The following PLBD2 variants were observed in gnomAD, a reference collection of about 807,000 sequenced individuals.
PLBD2 encodes phospholipase B domain containing 2.
PLBD2 carries 51 observed loss-of-function variants against 68.3 expected under a neutral mutation model. The observed-to-expected ratio is 0.75, with a 90% CI of 0.60 to 0.94. PLBD2 has a LOEUF of 0.94. Among genes scored for constraint, PLBD2 ranks in the 40% least tolerant of loss-of-function variants. PLBD2 has a pLI of 0.00. For missense variants in PLBD2, 729 were observed against 792.2 expected (o/e 0.92, Z 0.96); for synonymous variants, 314 against 339.3 (o/e 0.93, Z 0.82).
chr12:113,372,497 G>A lies in PLBD2; in HGVS notation c.385-152G>A. ...TCCCTATCCGGGGCAGAGCTGGGCA[G>A]GGAGAGGAGCCTCCAGGGAGAGGAC... On this transcript the variant is annotated intron_variant, in intron 2 of 11. Transcript: ENST00000280800. The surrounding 1 kb of genome is among the most constrained non-coding windows in gnomAD (Gnocchi z 4.2). The A allele has an allele frequency of 1.2e-6, 1 of 838,312 alleles. No individual in the cohort carries two copies. Among genetic ancestry groups the A allele is most frequent in the Non-Finnish European group, 1.9e-6 (1 of 539,210 alleles). The allele number at this position is 838,312 out of a possible 1,614,324, so 51.9% of individuals were successfully genotyped here. A position where few individuals can be genotyped will look rare whatever the true frequency, so the allele number is the denominator to read the frequency against.
chr12:113,380,932 G>C, intron 6 of PLBD2, 90 bp downstream of exon 6: 2 of 1,268,628 alleles, frequency 1.6e-6, no homozygotes. Context: ...CGGCAAGTGG[G>C]GACCAGGCTG....
chr12:113,364,169 AGG>A (rs1430756931), intron 1 of PLBD2, among the ~76,000 whole-genome samples: 1 of 152,234 alleles, frequency 6.6e-6, no homozygotes, highest in Non-Finnish European at 1.5e-5. Flanking sequence ...GCATCCGGCC[AGG>A]GAATGGGTTC....
At chr12:113,365,829 C>T (rs1275439897) in intron 1 of PLBD2, among the ~76,000 whole-genome samples, 3 of 152,270 alleles carry the variant, frequency 2.0e-5, no homozygotes, top group Non-Finnish European at 4.4e-5. Context: ...AACTTCAAAA[C>T]CCAGAACAGC....
rs200816661 is a variant in PLBD2, at chr12:113,385,309, C to T, written c.1286+26C>T. The T allele has an allele frequency of 8.1e-4, 1,307 of 1,606,414 alleles. 2 individuals are homozygous for T. Among genetic ancestry groups the T allele is most frequent in the Middle Eastern group, 5.1e-3 (31 of 6,048 alleles). On this transcript the variant is annotated intron_variant, in intron 9 of 11. Transcript: ENST00000280800. ...GTGCGTGCCTTCTCACTCCGCTCCC[C>T]GTCACCCTCCAGGGCATCCACCTCA...
At chr12:113,360,129 A>G (rs772963199) in intron 1 of PLBD2, among the ~76,000 whole-genome samples, 3 of 152,204 alleles carry the variant, frequency 2.0e-5, no homozygotes, top group Non-Finnish European at 4.4e-5. Context: ...CTTGGGGGGT[A>G]CATCAAGTAG....
intron 1 of PLBD2, among the ~76,000 whole-genome samples, chr12:113,368,526 G>A (rs1957360969): frequency 6.6e-6 from 1 of 152,186 alleles, no homozygotes; most frequent in Non-Finnish European, 1.5e-5. Flanking sequence ...TAACTAGCAT[G>A]CTGTCACTTC....
rs1957585555 is a variant in PLBD2 at position 113,389,275 on chromosome 12, T to C, written c.*649T>C. On this transcript the variant is annotated 3_prime_UTR_variant, in exon 12 of 12. Coordinates refer to ENST00000280800, the MANE Select transcript of PLBD2 (RefSeq NM_173542.4). ...CAGGCAGAGGGTCAGCCCCCATGCT[T>C]CTGCCTCAGGCCCCACCCCACCCCA... 2.0e-5 allele frequency: 3 copies of C among 152,542 alleles called. No individual in the cohort carries two copies. The highest frequency in any genetic ancestry group is 6.5e-5 in the Admixed American group (1 of 15,292). 9.4% of individuals were successfully genotyped at this position (152,542 alleles called of 1,614,324 possible).
chr12:113,387,972 G>A (rs540299139), intron 11 of PLBD2, 66 bp downstream of exon 11: 2 of 1,571,394 alleles, frequency 1.3e-6, no homozygotes, highest in South Asian at 2.2e-5. Flanking sequence ...CTTTGGGGAA[G>A]GGACAGGTTG....
intron 1 of PLBD2, among the ~76,000 whole-genome samples, chr12:113,360,466 G>T (rs1957281903): frequency 6.6e-6 from 1 of 152,216 alleles, no homozygotes; most frequent in Non-Finnish European, 1.5e-5. Context: ...CTTGACTATG[G>T]TAAACATGGA....
Position 113,358,750 on chromosome 12 carries a change from G to C in PLBD2, c.150G>C (p.Ala50=). The stretch of plus-strand genomic sequence containing the variant: ...TCCCAGCGCCGGGGGGCCGCTGGGC[G>C]CGCGATGGGCAGGTCCCTCCAGCCT... ...GAIPAPGGRW[A]RDGQVPPASR... is the part of the protein sequence containing the mutation. Residue 50 remains alanine (A), a synonymous_variant, in exon 1 of 12, where the codon GCG becomes GCC. Transcript: ENST00000280800. 1 of 1,395,896 alleles carries C rather than the reference G, an allele frequency of 7.2e-7. No homozygotes were observed. The highest frequency in any genetic ancestry group is 9.3e-7 in the Non-Finnish European group (1 of 1,080,222). 86.5% of individuals were successfully genotyped at this position (1,395,896 alleles called of 1,614,324 possible).
chr12:113,376,765 A>C lies in PLBD2; in HGVS notation c.859+1758A>C, dbSNP rs1957441282. On this transcript the variant is annotated intron_variant, in intron 5 of 11. Coordinates refer to ENST00000280800, the MANE Select transcript of PLBD2 (RefSeq NM_173542.4). ...CCAGGAGGTTGAGGCTGCAGTGAAC[A>C]GTGATCACGCCATGACACCCCAGCC... 3 of 152,366 alleles carry C rather than the reference A, an allele frequency of 2.0e-5. No individual in the cohort carries two copies. The South Asian group carries it at 6.2e-4, about 32-fold the overall frequency. The allele number at this position is 152,366 out of a possible 1,614,324, so 9.4% of individuals were successfully genotyped here.
At chr12:113,370,819 G>C (rs1957383435) in intron 2 of PLBD2, among the ~76,000 whole-genome samples, 1 of 152,148 alleles carries the variant, frequency 6.6e-6, no homozygotes, top group East Asian at 1.9e-4. Flanking sequence ...ACTTTACAGA[G>C]ACAGCTTGTC....
At chr12:113,388,355 A>T in intron 11 of PLBD2, 104 bp from the exon 12 acceptor site, 1 of 1,130,170 alleles carries the variant, frequency 8.8e-7, no homozygotes, top group Non-Finnish European at 1.2e-6. Flanking sequence ...AAAAAGTGAC[A>T]GTTCAGAATT....
intron 5 of PLBD2, among the ~76,000 whole-genome samples, chr12:113,379,878 T>C (rs1453348705): frequency 6.6e-6 from 1 of 152,142 alleles, no homozygotes; most frequent in Non-Finnish European, 1.5e-5. Flanking sequence ...GTATATATAT[T>C]TAACACATAC....
At chr12:113,373,490 C>T (rs1295280004) in intron 3 of PLBD2, among the ~76,000 whole-genome samples, 2 of 152,214 alleles carry the variant, frequency 1.3e-5, no homozygotes, top group Non-Finnish European at 2.9e-5. Context: ...CACCCACCTA[C>T]TCACACCCTA....
Position 113,358,815 on chromosome 12 carries a change from AGCT to A in PLBD2, c.219_221del (p.Leu74del). 1 of 1,499,236 alleles carries A rather than the reference AGCT, an allele frequency of 6.7e-7. No individual in the cohort carries two copies. Among genetic ancestry groups the A allele is most frequent in the African/African-American group, 1.5e-5 (1 of 68,374 alleles). The allele number at this position is 1,499,236 out of a possible 1,614,324, so 92.9% of individuals were successfully genotyped here. On this transcript the variant is annotated inframe_deletion, in exon 1 of 12. Transcript: ENST00000280800. ...GTGCTCCTGGACGTCTCGGCGGGCC[AGCT>A]GCTTATGGTGGACGGACGCCACCCT...
In PLBD2 at chr12:113,386,961, C is replaced by T; in HGVS notation, c.1311C>T (p.Ala437=). The T allele has an allele frequency of 6.2e-7, 1 of 1,613,200 alleles. No individual in the cohort carries two copies. The highest frequency in any genetic ancestry group is 1.3e-5 in the African/African-American group (1 of 75,014). ...NIPSFETVFN[A]SGLQALVAQY... is the part of the protein sequence containing the mutation. ...GGTCCTTCGAGACTGTGTTCAATGCCAGTGGGCTGCAGGCCCTAGTGGCCC... is the reference window on the plus strand; with the variant it reads ...GGTCCTTCGAGACTGTGTTCAATGCTAGTGGGCTGCAGGCCCTAGTGGCCC... Residue 437 remains alanine (A), a synonymous_variant, in exon 10 of 12, where the codon GCC becomes GCT. Coordinates refer to ENST00000280800, the MANE Select transcript of PLBD2 (RefSeq NM_173542.4).
intron 1 of PLBD2, among the ~76,000 whole-genome samples, chr12:113,362,630 G>C (rs1214390795): frequency 6.6e-6 from 1 of 151,662 alleles, no homozygotes; most frequent in Non-Finnish European, 1.5e-5. Context: ...CAGACCTACT[G>C]CTGCCAACTT....
At chr12:113,387,190 C>T in intron 10 of PLBD2, 101 bp downstream of exon 10, 9 of 1,410,574 alleles carry the variant, frequency 6.4e-6, no homozygotes, top group African/African-American at 1.5e-5. Flanking sequence ...TTGCTGCCAG[C>T]CCCAGAGGGC....
Sources: gnomAD v4.1 joint callset for allele counts (sites outside exome capture counted in the v4.1 genomes callset) on GRCh38, gnomAD v4.1.1 for gene constraint, Gnocchi (gnomAD v3.1) non-coding constraint, MANE v1.5 for transcripts, NCBI Gene and HGNC (gene_info 2026-07-23, HGNC 2026-07-21) for gene names.